Variants in GABPA observed in about 807,000 individuals in gnomAD.
The protein encoded by GABPA is GA-binding protein alpha chain.
GABPA carries 4 observed loss-of-function variants against 59.4 expected under a neutral mutation model. The ratio of observed to expected loss-of-function variants is 0.07; its 90% CI spans 0.03 to 0.15. The LOEUF is 0.15. Ranked by LOEUF, GABPA falls within the 10% of genes least tolerant of loss-of-function variation. The pLI is 1.00. For synonymous variants in GABPA, 164 were observed against 183.1 expected (o/e 0.90, Z 0.84); for missense variants, 251 against 543.8 (o/e 0.46, Z 5.36).
chr21:25,749,825 C>G (rs575503561), intron 4 of GABPA, among the ~76,000 whole-genome samples: 6 of 152,310 alleles, frequency 3.9e-5, no homozygotes, highest in African/African-American at 1.2e-4. Flanking sequence ...GAGGAAAACT[C>G]TGTCTCAATC....
intron 1 of GABPA, among the ~76,000 whole-genome samples, chr21:25,739,511 C>T (rs549703073): frequency 6.6e-6 from 1 of 152,192 alleles, no homozygotes; most frequent in African/African-American, 2.4e-5. Context: ...CTCAAAGCTC[C>T]TTTCCTCCAT....
intron 6 of GABPA, among the ~76,000 whole-genome samples, chr21:25,759,730 A>G (rs780912870): frequency 1.3e-5 from 2 of 152,194 alleles, no homozygotes; most frequent in African/African-American, 2.4e-5. Flanking sequence ...TTGGTTTCAC[A>G]GATTTCCTTC....
chr21:25,746,422 A>G lies in GABPA; in HGVS notation c.222+1068A>G, dbSNP rs543630659. ...CTCCTTCCCCTGCCTGCCTTGTGAT[A>G]TGGGTATTCTGTATATTACAGAACT... On this transcript the variant is annotated intron_variant, in intron 3 of 9. Coordinates refer to ENST00000400075, the MANE Select transcript of GABPA (RefSeq NM_002040.4). Among the ~76,000 whole-genome samples the G allele has an allele frequency of 1.2e-3, 180 of 152,188 alleles. 1 individual carries two copies. Among genetic ancestry groups the G allele is most frequent in the Non-Finnish European group, 2.3e-3 (155 of 68,022 alleles).
At chr21:25,749,428 G>GC (rs1310659535) in intron 4 of GABPA, among the ~76,000 whole-genome samples, 1 of 152,186 alleles carries the variant, frequency 6.6e-6, no homozygotes, top group Non-Finnish European at 1.5e-5. Context: ...GAACTGGACT[G>GC]CTAAGGAAGC....
Position 25,749,065 on chromosome 21 carries a change from A to G in GABPA, c.252A>G (p.Gln84=), listed in dbSNP as rs182635910. 3.1e-6 allele frequency: 5 copies of G among 1,609,564 alleles called. No individual in the cohort carries two copies. In the East Asian group the frequency reaches 1.1e-4, roughly 36 times the overall value. ...ATCCAGAACGAAGTTTATTTGACCA[A>G]GGAGTAAAAACAGATGGAACTGTAC... is the stretch of plus-strand genomic sequence containing the variant. ...QLDPERSLFD[Q]GVKTDGTVQL... The change falls in exon 4 of 10, where the codon CAA becomes CAG. Residue 84 remains glutamine, a synonymous_variant. Transcript: ENST00000400075.
At chr21:25,754,687 T>G (rs150383665) in intron 5 of GABPA, among the ~76,000 whole-genome samples, 1 of 152,186 alleles carries the variant, frequency 6.6e-6, no homozygotes, top group Non-Finnish European at 1.5e-5. Flanking sequence ...TTTCTTGTGG[T>G]TTTTGTTTGT....
rs67572468 is a variant in GABPA, at chr21:25,735,469, G to A, written c.-136G>A. ...CCTGGGACCTCACACTTCTAGTCGC[G>A]GGAGCTGCAGGTCTTACCCGGAGAG... On this transcript the variant is annotated 5_prime_UTR_variant, in exon 1 of 10. Coordinates refer to ENST00000400075, the MANE Select transcript of GABPA (RefSeq NM_002040.4). 0.015 allele frequency: 2,302 copies of A among 157,336 alleles called. 61 individuals are homozygous for A. The highest frequency in any genetic ancestry group is 0.053 in the African/African-American group (2,197 of 41,642). The allele number at this position is 157,336 out of a possible 1,614,324, so 9.7% of individuals were successfully genotyped here. A position where few individuals can be genotyped will look rare whatever the true frequency, so the allele number is the denominator to read the frequency against.
At chr21:25,737,055 G>A (rs936207893) in intron 1 of GABPA, among the ~76,000 whole-genome samples, 3 of 152,192 alleles carry the variant, frequency 2.0e-5, no homozygotes, top group African/African-American at 7.2e-5. Flanking sequence ...AAAAGGGAAT[G>A]TTACACCTAT....
intron 5 of GABPA, 148 bp from the exon 6 acceptor site, chr21:25,757,862 T>C: frequency 2.6e-6 from 1 of 389,596 alleles, no homozygotes; most frequent in East Asian, 3.7e-5. Flanking sequence ...TTTTTTTTTT[T>C]TTTTTTTTTT....
intron 1 of GABPA, among the ~76,000 whole-genome samples, chr21:25,739,291 G>A (rs189153606): frequency 2.6e-5 from 4 of 152,316 alleles, no homozygotes; most frequent in African/African-American, 7.2e-5. Context: ...AAAGTGGGAA[G>A]GGAGACTCAG....
At chr21:25,758,533 ACTTAGCCCT>A (rs1427280092) in intron 6 of GABPA, among the ~76,000 whole-genome samples, 1 of 152,192 alleles carries the variant, frequency 6.6e-6, no homozygotes, top group Non-Finnish European at 1.5e-5. Context: ...TGTGCCCTAC[ACTTAGCCCT>A]CTTCATATAT....
In GABPA at chr21:25,735,096, C is replaced by T; in HGVS notation, c.-509C>T. The T allele has an allele frequency of 1.2e-6, 1 of 807,370 alleles. No homozygotes were observed. Among genetic ancestry groups the T allele is most frequent in the Non-Finnish European group, 2.1e-6 (1 of 483,410 alleles). 50.0% of individuals were successfully genotyped at this position (807,370 alleles called of 1,614,324 possible). On this transcript the variant is annotated 5_prime_UTR_variant, in exon 1 of 10. Transcript: ENST00000400075. The stretch of plus-strand genomic sequence containing the variant: ...GTAAGTGCTTCCGGGTCCCCTGGCA[C>T]AGCCTCCGCCATCTTTTCTTCGCCT...
intron 4 of GABPA, among the ~76,000 whole-genome samples, chr21:25,749,896 C>A (rs1401739704): frequency 6.6e-6 from 1 of 152,120 alleles, no homozygotes; most frequent in Non-Finnish European, 1.5e-5. Flanking sequence ...TTTTTGGCAC[C>A]AGGGACCAGT....
At chr21:25,745,714 TATCATTTAACTAA>T (rs1360557819) in intron 3 of GABPA, among the ~76,000 whole-genome samples, 1 of 152,216 alleles carries the variant, frequency 6.6e-6, no homozygotes, top group African/African-American at 2.4e-5. Context: ...TTCTCAAACG[TATCATTTAACTAA>T]ATGATTTCTA....
chr21:25,743,239 C>T (rs2035270862), intron 2 of GABPA, among the ~76,000 whole-genome samples: 1 of 152,168 alleles, frequency 6.6e-6, no homozygotes, highest in Admixed American at 6.5e-5. Context: ...TAGAAAGCCC[C>T]AGTGTCTTTT....
At chr21:25,735,855 G>GCCTGTCGCCGCTC (rs1218229111) in intron 1 of GABPA, among the ~76,000 whole-genome samples, 1 of 151,958 alleles carries the variant, frequency 6.6e-6, no homozygotes, top group East Asian at 1.9e-4. Context: ...CGGACGGGTC[G>GCCTGTCGCCGCTC]CCTGTCGCCG....
intron 9 of GABPA, among the ~76,000 whole-genome samples, chr21:25,766,694 T>A (rs1008223416): frequency 2.0e-5 from 3 of 151,922 alleles, no homozygotes; most frequent in African/African-American, 7.2e-5. Flanking sequence ...TTGCCAGAAC[T>A]AAGCTCTGTT....
intron 9 of GABPA, among the ~76,000 whole-genome samples, chr21:25,766,251 G>A (rs560936831): frequency 3.9e-5 from 6 of 152,074 alleles, no homozygotes; most frequent in African/African-American, 1.2e-4. Flanking sequence ...TTGACCTCTT[G>A]CTTATGCCGT....
intron 4 of GABPA, 122 bp downstream of exon 4, chr21:25,749,242 T>C: frequency 1.6e-6 from 1 of 628,900 alleles, no homozygotes; most frequent in South Asian, 2.0e-5. Flanking sequence ...ATAGCCAAAA[T>C]TCATGCTTTG....
Sources: allele counts gnomAD v4.1 joint callset (sites outside exome capture counted in the v4.1 genomes callset), GRCh38; gene constraint gnomAD v4.1.1; transcripts MANE v1.5; gene names NCBI Gene and HGNC (gene_info 2026-07-23, HGNC 2026-07-21).